PCDHA3: variants seen among roughly 807,000 people sequenced by gnomAD.
The protein encoded by PCDHA3 is protocadherin alpha 3.
Under a neutral mutation model 62.2 loss-of-function variants are expected in PCDHA3, and 41 were observed. The observed-to-expected ratio is 0.66, with a 90% CI of 0.51 to 0.86. The LOEUF (loss-of-function observed/expected upper bound fraction) is 0.86. Among genes scored for constraint, PCDHA3 ranks in the 40% least tolerant of loss-of-function variants. PCDHA3 has a pLI of 0.00. For missense variants in PCDHA3, 1,304 were observed against 1,241.2 expected (o/e 1.05, Z -0.76); for synonymous variants, 640 against 555.4 (o/e 1.15, Z -2.14).
chr5:140,883,126 G>A (rs781992873), intron 1 of PCDHA3: 2 of 1,614,036 alleles, frequency 1.2e-6, no homozygotes, highest in South Asian at 1.1e-5. Context: ...GGCCTGTATG[G>A]CCTGCAGTGG....
intron 1 of PCDHA3, among the ~76,000 whole-genome samples, chr5:140,906,235 C>G (rs1319955366): frequency 1.3e-5 from 2 of 152,174 alleles, no homozygotes; most frequent in African/African-American, 4.8e-5. Flanking sequence ...CTCCCCTTGT[C>G]AACTTGAACC....
chr5:140,815,739 C>G (rs1177563989), intron 1 of PCDHA3: 1 of 152,090 alleles, frequency 6.6e-6, no homozygotes, highest in African/African-American at 2.4e-5. Context: ...TCAAAAGGCC[C>G]CCTCTTAACA....
At position 140,924,955 on chromosome 5, in the gene PCDHA3, T is replaced by C. The variant is rs571597374; in HGVS notation, c.2395-53994T>C. Among the ~76,000 whole-genome samples, 96 of 145,332 alleles carry C rather than the reference T, an allele frequency of 6.6e-4. 1 individual carries two copies. The South Asian group carries it at 0.02, about 30-fold the overall frequency. The stretch of plus-strand genomic sequence containing the variant: ...ATAAAATAAAAAGTTAAAAAAAAAA[T>C]GCAAGGTGAGTGCAGTGGCTCATGT... On this transcript the variant is annotated intron_variant, in intron 1 of 3. Transcript: ENST00000522353.
At position 140,851,072 on chromosome 5, in the gene PCDHA3, A is replaced by G; in HGVS notation, c.2394+47481A>G. The stretch of plus-strand genomic sequence containing the variant: ...TTTGTCTTGACTTCTAGTGAGAATT[A>G]TAAACTGTATATTAAATAGATATTT... On this transcript the variant is annotated intron_variant, in intron 1 of 3. Coordinates refer to ENST00000522353, the MANE Select transcript of PCDHA3 (RefSeq NM_018906.3). The G allele has an allele frequency of 5.9e-6, 8 of 1,346,802 alleles. 1 individual carries two copies. The highest frequency in any genetic ancestry group is 7.8e-6 in the Non-Finnish European group (8 of 1,027,866). The allele number at this position is 1,346,802 out of a possible 1,614,324, so 83.4% of individuals were successfully genotyped here. A position where few individuals can be genotyped will look rare whatever the true frequency, so the allele number is the denominator to read the frequency against.
intron 1 of PCDHA3, among the ~76,000 whole-genome samples, chr5:140,921,992 C>A (rs963694302): frequency 6.6e-6 from 1 of 151,842 alleles, no homozygotes; most frequent in South Asian, 2.1e-4. Context: ...AAAAAGAGTT[C>A]AATGAAATGA....
chr5:140,926,229 G>A (rs1251523401), intron 1 of PCDHA3: 1 of 152,186 alleles, frequency 6.6e-6, no homozygotes, highest in Non-Finnish European at 1.5e-5. Context: ...AGCCTAGAAG[G>A]TGTGGTCGCT....
intron 1 of PCDHA3, chr5:140,836,465 G>C (rs2150261625): frequency 6.2e-7 from 1 of 1,613,860 alleles, no homozygotes; most frequent in Admixed American, 1.7e-5. Context: ...CCGAGCTGGT[G>C]GATGTCAACG....
intron 1 of PCDHA3, chr5:140,849,923 G>A (rs145904051): frequency 6.3e-7 from 1 of 1,598,322 alleles, no homozygotes; most frequent in Middle Eastern, 1.7e-4. Context: ...ACATCTTCAC[G>A]GTGTCTGCGC....
intron 1 of PCDHA3, chr5:140,849,802 G>A (rs2041146387): frequency 6.3e-7 from 1 of 1,598,478 alleles, no homozygotes; most frequent in Non-Finnish European, 8.6e-7. Flanking sequence ...CCTTCACTGT[G>A]GGCCACGGCC....
chr5:140,884,002 C>A (rs1189374158), intron 1 of PCDHA3: 1 of 1,612,906 alleles, frequency 6.2e-7, no homozygotes, highest in Admixed American at 1.7e-5. Flanking sequence ...GCACAGTGAG[C>A]GAGCTGATGC....
At chr5:140,875,740 A>G (rs377133743) in intron 1 of PCDHA3, 14 of 1,614,104 alleles carry the variant, frequency 8.7e-6, no homozygotes, top group Non-Finnish European at 1.2e-5. Context: ...GAATTCTCGG[A>G]TCGACCGCGA....
chr5:140,828,044 C>T, intron 1 of PCDHA3: 1 of 1,542,076 alleles, frequency 6.5e-7, no homozygotes, highest in Non-Finnish European at 8.7e-7. Flanking sequence ...AGTATTTTAT[C>T]TTTATGCGGA....
At chr5:140,931,390 G>A (rs1296292494) in intron 1 of PCDHA3, among the ~76,000 whole-genome samples, 1 of 152,038 alleles carries the variant, frequency 6.6e-6, no homozygotes, top group Non-Finnish European at 1.5e-5. Flanking sequence ...GGAAACATAA[G>A]TAAGCGATAG....
chr5:140,929,159 A>G lies in PCDHA3; in HGVS notation c.2395-49790A>G, dbSNP rs781818133. The G allele has an allele frequency of 1.7e-5, 27 of 1,613,968 alleles. No homozygotes were observed. Among genetic ancestry groups the G allele is most frequent in the South Asian group, 1.4e-4 (13 of 91,088 alleles). On this transcript the variant is annotated intron_variant, in intron 1 of 3. Coordinates refer to ENST00000522353, the MANE Select transcript of PCDHA3 (RefSeq NM_018906.3). The stretch of plus-strand genomic sequence containing the variant: ...GAGAGACTTTCTCAGACTTATCTCT[A>G]TCGGGCCTCTCTGGGACTTGGTTCT...
In PCDHA3 at chr5:140,803,235, TC is replaced by T. The variant is rs1562192756; in HGVS notation, c.2041del (p.Gln681ArgfsTer20). 6.2e-7 allele frequency: 1 copy of T among 1,613,652 alleles called. No homozygotes were observed. The highest frequency in any genetic ancestry group is 1.3e-5 in the African/African-American group (1 of 74,942). ...VESGQAPKAS[S>X]QASAGATGPE... ...GAGTGGCCAGGCACCCAAGGCCTCG[TC>T]CCAGGCGTCCGCTGGCGCCACGGGC... On this transcript the variant is annotated frameshift_variant, in exon 1 of 4. Coordinates refer to ENST00000522353, the MANE Select transcript of PCDHA3 (RefSeq NM_018906.3). LOFTEE classifies it high-confidence loss of function.
chr5:140,928,814 A>G, intron 1 of PCDHA3: 1 of 1,614,150 alleles, frequency 6.2e-7, no homozygotes, highest in East Asian at 2.2e-5. Context: ...GTTCGGGACC[A>G]TGGAGACCCA....
intron 1 of PCDHA3, among the ~76,000 whole-genome samples, chr5:140,965,934 G>C (rs1186937423): frequency 6.6e-6 from 1 of 152,212 alleles, no homozygotes; most frequent in Non-Finnish European, 1.5e-5. Context: ...CTCCCGGAAA[G>C]AGGGCAGCAT....
At chr5:140,857,150 A>C in intron 1 of PCDHA3, 1 of 1,598,240 alleles carries the variant, frequency 6.3e-7, no homozygotes, top group Non-Finnish European at 8.6e-7. Context: ...GGGCACCGTC[A>C]TTGCCCTAAT....
intron 1 of PCDHA3, chr5:140,862,770 G>A (rs1554156952): frequency 3.5e-6 from 2 of 576,708 alleles, no homozygotes; most frequent in Non-Finnish European, 6.7e-6. Context: ...AGAGGTACGC[G>A]TTGCAGCCAC....
Sources: gnomAD v4.1 joint callset for allele counts (sites outside exome capture counted in the v4.1 genomes callset) on GRCh38, gnomAD v4.1.1 for gene constraint, MANE v1.5 for transcripts, NCBI Gene and HGNC (gene_info 2026-07-23, HGNC 2026-07-21) for gene names.